The following RPH3AL variants were observed in gnomAD, a reference collection of about 807,000 sequenced individuals.
RPH3AL encodes rabphilin 3A like (without C2 domains).
Under a neutral mutation model 43.1 loss-of-function variants are expected in RPH3AL, and 38 were observed. The observed-to-expected ratio is 0.88, with a 90% CI of 0.68 to 1.15. The LOEUF (loss-of-function observed/expected upper bound fraction) is 1.15, where lower values mean the gene tolerates loss of function less well. Ranked by LOEUF, RPH3AL falls within the 50% of genes most tolerant of loss-of-function variation. The pLI, the probability that RPH3AL is intolerant of heterozygous loss-of-function variation, is 0.00. For synonymous variants in RPH3AL, 189 were observed against 176.3 expected, an observed-to-expected ratio of 1.07 and a Z score of -0.57; for missense variants, 462 against 423.2, an observed-to-expected ratio of 1.09 and a Z score of -0.81.
chr17:223,109 G>A (rs969405467), intron 7 of RPH3AL, among the ~76,000 whole-genome samples: 1 of 151,482 alleles, frequency 6.6e-6, no homozygotes, highest in Non-Finnish European at 1.5e-5. Context: ...AGAATCACTT[G>A]AACCTGGGAG....
chr17:247,634 G>A lies in RPH3AL; in HGVS notation c.439-349C>T, dbSNP rs1382438700. On this transcript the variant is annotated intron_variant, in intron 6 of 9. Coordinates refer to ENST00000331302, the MANE Select transcript of RPH3AL (RefSeq NM_006987.4). ...CTCAGCAGCTGGGACTACTGTACCT[G>A]GGTCTACACCTGCTTTAAAGACAAG... 3.8e-5 allele frequency: 10 copies of A among 262,592 alleles called. No individual in the cohort carries two copies. The South Asian group carries it at 3.8e-4, about 10-fold the overall frequency. The allele number at this position is 262,592 out of a possible 1,614,324, so 16.3% of individuals were successfully genotyped here. A position where few individuals can be genotyped will look rare whatever the true frequency, so the allele number is the denominator to read the frequency against.
In RPH3AL at chr17:245,126, G is replaced by C. The variant is rs1485790831; in HGVS notation, c.613+1985C>G. Among the ~76,000 whole-genome samples the C allele has an allele frequency of 6.6e-6, 1 of 150,678 alleles. No individual in the cohort carries two copies. The highest frequency in any genetic ancestry group is 2.5e-5 in the African/African-American group (1 of 40,566). On this transcript the variant is annotated intron_variant, in intron 7 of 9. Transcript: ENST00000331302. This position sits in a 1 kb window ranked among gnomAD's most constrained non-coding sequence, Gnocchi z 5.9. ...GTGTGTACATGTGGATGTGTGTGTGGATGTGTGTGTCCATGTGGATGTGTG... is the reference window on the plus strand; with the variant it reads ...GTGTGTACATGTGGATGTGTGTGTGCATGTGTGTGTCCATGTGGATGTGTG...
In RPH3AL at chr17:274,877, G is replaced by A. The variant is rs2042616540; in HGVS notation, c.438+6891C>T. On this transcript the variant is annotated intron_variant, in intron 6 of 9. Coordinates refer to ENST00000331302, the MANE Select transcript of RPH3AL (RefSeq NM_006987.4). This position sits in a 1 kb window ranked among gnomAD's most constrained non-coding sequence, Gnocchi z 4.7. ...TGGTGTCTAGGAAACATAAAGACGG[G>A]CCTTACTAATAAAATAGAAAACCAA... Among the ~76,000 whole-genome samples, 1 of 152,168 alleles carries A rather than the reference G, an allele frequency of 6.6e-6. No individual in the cohort carries two copies. The highest frequency in any genetic ancestry group is 2.4e-5 in the African/African-American group (1 of 41,424).
At position 282,517 on chromosome 17, in the gene RPH3AL, C is replaced by A. The variant is rs556999321; in HGVS notation, c.352-663G>T. Among the ~76,000 whole-genome samples the A allele has an allele frequency of 5.3e-5, 8 of 152,314 alleles. No individual in the cohort carries two copies. In the South Asian group the frequency reaches 1.4e-3, roughly 28 times the overall value. ...ATAACCAGAATCTAGAACCTACAGT[C>A]TGCTGATGTGCTGGGCCATCGAAGA... On this transcript the variant is annotated intron_variant, in intron 5 of 9. Transcript: ENST00000331302.
At chr17:292,250 G>A (rs1226065552) in intron 5 of RPH3AL, among the ~76,000 whole-genome samples, 1 of 152,240 alleles carries the variant, frequency 6.6e-6, no homozygotes, top group African/African-American at 2.4e-5. Context: ...CAGGCTTGGA[G>A]AAGCATCACC....
intron 6 of RPH3AL, among the ~76,000 whole-genome samples, chr17:276,766 T>A (rs1015081544): frequency 1.3e-5 from 2 of 152,238 alleles, no homozygotes; most frequent in African/African-American, 4.8e-5. Context: ...CTATTCGCTC[T>A]CATTTTCTGG....
chr17:324,066 G>A (rs189380957), intron 3 of RPH3AL, among the ~76,000 whole-genome samples: 19 of 152,282 alleles, frequency 1.2e-4, no homozygotes, highest in Non-Finnish European at 2.5e-4. Context: ...GCCACGCGGC[G>A]AGGCAGGCCC....
chr17:220,792 C>G (rs1597873658), intron 7 of RPH3AL, among the ~76,000 whole-genome samples: 1 of 3,938 alleles, frequency 2.5e-4, no homozygotes, highest in Non-Finnish European at 6.6e-4. Context: ...CCTCCACTCA[C>G]TGAGACAATA....
Position 215,819 on chromosome 17 carries a change from G to C in RPH3AL, c.728-17C>G, listed in dbSNP as rs62057050. The C allele has an allele frequency of 6.2e-6, 8 of 1,295,856 alleles. No individual in the cohort carries two copies. The South Asian group carries it at 1.7e-4, about 27-fold the overall frequency. 80.3% of individuals were successfully genotyped at this position (1,295,856 alleles called of 1,614,324 possible). Reference sequence around the variant, plus strand: ...CGCTGCCACCTGTGGGAAATCACGTGTGGGCCCCGTGGATCTCAAACCGAG... The same window carrying C: ...CGCTGCCACCTGTGGGAAATCACGTCTGGGCCCCGTGGATCTCAAACCGAG... On this transcript the variant is annotated splice_polypyrimidine_tract_variant and intron_variant, in intron 8 of 9. Coordinates refer to ENST00000331302, the MANE Select transcript of RPH3AL (RefSeq NM_006987.4). This position sits in a 1 kb window ranked among gnomAD's most constrained non-coding sequence, Gnocchi z 4.1.
rs547912010 is a variant in RPH3AL at position 223,878 on chromosome 17, G to A, written c.614-4142C>T. On this transcript the variant is annotated intron_variant, in intron 7 of 9. Transcript: ENST00000331302. ...CAACCCTGTGCACCCGCAGCAGAGCGGCCAGCACACAGTGGGCGTGCCCCC... is the reference window on the plus strand; with the variant it reads ...CAACCCTGTGCACCCGCAGCAGAGCAGCCAGCACACAGTGGGCGTGCCCCC... 1.3e-5 allele frequency among the ~76,000 whole-genome samples: 2 copies of A among 152,232 alleles called. 1 individual carries two copies. Among genetic ancestry groups the A allele is most frequent in the Admixed American group, 1.3e-4 (2 of 15,298 alleles).
intron 5 of RPH3AL, among the ~76,000 whole-genome samples, chr17:315,133 G>GC (rs2043912206): frequency 2.6e-5 from 3 of 115,164 alleles, no homozygotes; most frequent in Non-Finnish European, 5.5e-5. Context: ...TAGTCTCTGT[G>GC]CTCCACCTCC....
chr17:245,849 C>T lies in RPH3AL; in HGVS notation c.613+1262G>A, dbSNP rs2041751493. Among the ~76,000 whole-genome samples the T allele has an allele frequency of 6.6e-6, 1 of 152,182 alleles. No individual in the cohort carries two copies. Among genetic ancestry groups the T allele is most frequent in the Non-Finnish European group, 1.5e-5 (1 of 68,018 alleles). On this transcript the variant is annotated intron_variant, in intron 7 of 9. Transcript: ENST00000331302. This position sits in a 1 kb window ranked among gnomAD's most constrained non-coding sequence, Gnocchi z 5.9. ...GGACTCCCCGCCTGCACGGTCTCCA[C>T]TGCATTGCATCCCACGGTCCCCACC... is the stretch of plus-strand genomic sequence containing the variant.
intron 7 of RPH3AL, among the ~76,000 whole-genome samples, chr17:239,214 T>C (rs958304027): frequency 1.3e-5 from 2 of 152,198 alleles, no homozygotes; most frequent in African/African-American, 2.4e-5. Context: ...GTCCTGCAGG[T>C]GCAGTGCAGT....
At chr17:237,875 C>T (rs889208194) in intron 7 of RPH3AL, among the ~76,000 whole-genome samples, 5 of 152,188 alleles carry the variant, frequency 3.3e-5, no homozygotes, top group African/African-American at 9.7e-5. Context: ...AGGCCGGGTG[C>T]GGTGGCTCAT....
intron 3 of RPH3AL, among the ~76,000 whole-genome samples, chr17:326,552 A>C (rs1284587079): frequency 6.6e-6 from 1 of 152,082 alleles, no homozygotes; most frequent in Non-Finnish European, 1.5e-5. Flanking sequence ...GGCCTGACCT[A>C]CCCAGAGCTG....
chr17:329,368 G>T (rs4570931), intron 2 of RPH3AL, among the ~76,000 whole-genome samples: 1 of 151,896 alleles, frequency 6.6e-6, no homozygotes, highest in Non-Finnish European at 1.5e-5. Flanking sequence ...CCCAGCTACT[G>T]AGGAGGCTGA....
chr17:327,533 G>C lies in RPH3AL; in HGVS notation c.11C>G (p.Thr4Ser), dbSNP rs2044647103. The change falls in exon 3 of 10, where the codon ACC becomes AGC. Residue 4 changes from threonine (T) to serine (S), a missense_variant. Transcript: ENST00000331302. MAD[T>S]IFGSGNDQWV... The stretch of plus-strand genomic sequence containing the variant: ...CTGATCATTCCCGCTGCCGAAGATG[G>C]TGTCGGCCATGGCTCGGAGCACCCG... 5 of 1,613,844 alleles carry C rather than the reference G, an allele frequency of 3.1e-6. No homozygotes were observed. In the East Asian group the frequency reaches 8.9e-5, roughly 29 times the overall value.
chr17:350,926 C>T (rs1023224128), intron 1 of RPH3AL, among the ~76,000 whole-genome samples: 4 of 152,138 alleles, frequency 2.6e-5, no homozygotes, highest in South Asian at 2.1e-4. Context: ...CCCACTTCCC[C>T]GACAACATTC....
At chr17:263,950 C>G (rs1321074649) in intron 6 of RPH3AL, among the ~76,000 whole-genome samples, 3 of 152,154 alleles carry the variant, frequency 2.0e-5, no homozygotes, top group African/African-American at 7.2e-5. Context: ...TGCAGACGGG[C>G]AGGCAGAGCT....
Sources: allele counts gnomAD v4.1 joint callset (sites outside exome capture counted in the v4.1 genomes callset), GRCh38; gene constraint gnomAD v4.1.1; non-coding constraint Gnocchi (gnomAD v3.1); transcripts MANE v1.5; gene names NCBI Gene and HGNC (gene_info 2026-07-23, HGNC 2026-07-21).